Variants in PYHIN1 observed in about 807,000 individuals in gnomAD.
The protein encoded by PYHIN1 is pyrin and HIN domain family member 1.
PYHIN1 carries 32 observed loss-of-function variants against 43.7 expected under a neutral mutation model. The ratio of observed to expected loss-of-function variants is 0.73; its 90% CI spans 0.55 to 0.98. The LOEUF (loss-of-function observed/expected upper bound fraction) is 0.98. Ranked by LOEUF, PYHIN1 falls within the 50% of genes least tolerant of loss-of-function variation. The pLI is 0.00. For synonymous variants in PYHIN1, 205 were observed against 203.1 expected (o/e 1.01, Z -0.08); for missense variants, 588 against 589.5 (o/e 1.00, Z 0.03).
chr1:158,965,593 C>G (rs1650586408), intron 7 of PYHIN1, among the ~76,000 whole-genome samples: 1 of 152,082 alleles, frequency 6.6e-6, no homozygotes, highest in Non-Finnish European at 1.5e-5. Flanking sequence ...AAGAAAATGG[C>G]TCCAACCATA....
chr1:158,952,629 T>A, intron 7 of PYHIN1, among the ~76,000 whole-genome samples: 1 of 152,298 alleles, frequency 6.6e-6, no homozygotes, highest in East Asian at 1.9e-4. Flanking sequence ...TTCCCCTTTT[T>A]AGGCTCTTCT....
chr1:158,937,430 T>A (rs1648626040), intron 2 of PYHIN1, among the ~76,000 whole-genome samples: 1 of 152,328 alleles, frequency 6.6e-6, no homozygotes, highest in East Asian at 1.9e-4. Context: ...AGACTGAGAC[T>A]TCTAGTACAT....
At position 158,943,941 on chromosome 1, in the gene PYHIN1, T is replaced by C. The variant is rs138903343; in HGVS notation, c.1154T>C (p.Met385Thr). 3.5e-4 allele frequency: 571 copies of C among 1,608,616 alleles called. No homozygotes were observed. The highest frequency in any genetic ancestry group is 4.6e-4 in the Non-Finnish European group (537 of 1,176,316). Residue 385 changes from methionine (M) to threonine (T), a missense_variant, in exon 6 of 9, where the codon ATG (methionine) becomes ACG (threonine). Transcript: ENST00000368140. ...TTTCGACTGAGAAAGAGGGAAAATA[T>C]GTCAAAACTGATGTCAGAAATGCAT... ...FCFRLRKREN[M>T]SKLMSEMHSF... is the part of the protein sequence containing the mutation.
chr1:158,980,866 C>T (rs1404973093), downstream of PYHIN1, among the ~76,000 whole-genome samples: 6 of 152,104 alleles, frequency 3.9e-5, no homozygotes, highest in African/African-American at 1.4e-4. Context: ...TTTGTACCTA[C>T]TCCCTGTTCT....
chr1:158,938,155 A>G (rs998261132), intron 2 of PYHIN1, among the ~76,000 whole-genome samples: 3 of 152,190 alleles, frequency 2.0e-5, no homozygotes, highest in African/African-American at 7.2e-5. Context: ...TTCAGAGGAC[A>G]GGAAGGATGT....
chr1:158,948,759 C>A (rs1037604595), intron 7 of PYHIN1, among the ~76,000 whole-genome samples: 1 of 152,054 alleles, frequency 6.6e-6, no homozygotes, highest in African/African-American at 2.4e-5. Context: ...GGACAGGGGA[C>A]GTTCTAAGGT....
At chr1:158,953,729 C>T (rs1200829950) in intron 7 of PYHIN1, among the ~76,000 whole-genome samples, 1 of 152,180 alleles carries the variant, frequency 6.6e-6, no homozygotes, top group Non-Finnish European at 1.5e-5. Context: ...TCCTCACCAG[C>T]AACGGAACAA....
rs983766813 is a variant in PYHIN1 at position 158,933,071 on chromosome 1, A to G, written c.-21+1295A>G. Among the ~76,000 whole-genome samples the G allele has an allele frequency of 1.8e-4, 28 of 151,822 alleles. No individual in the cohort carries two copies. The highest frequency in any genetic ancestry group is 6.1e-4 in the African/African-American group (25 of 41,314). On this transcript the variant is annotated intron_variant, in intron 1 of 8. Coordinates refer to ENST00000368140, the MANE Select transcript of PYHIN1 (RefSeq NM_152501.5). The surrounding 1 kb of genome is among the most constrained non-coding windows in gnomAD (Gnocchi z 6.3). ...TTTTACCTTGTTCATTTAGTATTGG[A>G]AGATATAATATAGAACCTCCTATTA...
At chr1:158,934,698 T>A (rs1243612767) in intron 1 of PYHIN1, among the ~76,000 whole-genome samples, 1 of 152,114 alleles carries the variant, frequency 6.6e-6, no homozygotes, top group African/African-American at 2.4e-5. Context: ...CAAATACATG[T>A]TTTCTATAAT....
At chr1:158,965,763 C>T (rs1380177400) in intron 7 of PYHIN1, among the ~76,000 whole-genome samples, 1 of 152,060 alleles carries the variant, frequency 6.6e-6, no homozygotes, top group Non-Finnish European at 1.5e-5. Context: ...GTTTGTAGCA[C>T]TAAGCGCTCA....
At chr1:158,983,288 T>C in the PYHIN1 span, among the ~76,000 whole-genome samples, 1 of 152,068 alleles carries the variant, frequency 6.6e-6, no homozygotes, top group African/African-American at 2.4e-5. Context: ...GGTTTTGTCA[T>C]AGATGTCTCA....
chr1:158,963,102 A>G (rs1557840355), intron 7 of PYHIN1, among the ~76,000 whole-genome samples: 1 of 152,050 alleles, frequency 6.6e-6, no homozygotes, highest in African/African-American at 2.4e-5. Context: ...CTAGCTGAAC[A>G]TTCCCAGTAG....
chr1:158,950,403 C>T (rs369856145), intron 7 of PYHIN1, among the ~76,000 whole-genome samples: 8 of 152,100 alleles, frequency 5.3e-5, no homozygotes, highest in Non-Finnish European at 7.4e-5. Context: ...TCCAGGGCTG[C>T]GGGTCCTGCA....
chr1:158,939,481 C>T (rs1310108153), intron 4 of PYHIN1: 1 of 1,551,018 alleles, frequency 6.4e-7, no homozygotes, highest in Admixed American at 2.0e-5. Flanking sequence ...AGACAGAGAA[C>T]TGCGGAATCT....
intron 5 of PYHIN1, among the ~76,000 whole-genome samples, chr1:158,943,185 C>G (rs1186749552): frequency 6.6e-6 from 1 of 152,002 alleles, no homozygotes. Flanking sequence ...CTTATTTTAC[C>G]AGCATTGCTT....
At chr1:158,958,360 T>G (rs1177114083) in intron 7 of PYHIN1, among the ~76,000 whole-genome samples, 6 of 139,434 alleles carry the variant, frequency 4.3e-5, no homozygotes, top group East Asian at 4.2e-4. Context: ...CCAACCCAAA[T>G]GTCCAACAAT....
chr1:158,982,745 A>G, the PYHIN1 span, among the ~76,000 whole-genome samples: 5 of 152,044 alleles, frequency 3.3e-5, no homozygotes, highest in African/African-American at 1.2e-4. Flanking sequence ...TAGCCATTTT[A>G]ACAATATTGA....
chr1:158,974,498 G>A (rs956162185), intron 8 of PYHIN1, among the ~76,000 whole-genome samples: 2 of 152,008 alleles, frequency 1.3e-5, no homozygotes, highest in Non-Finnish European at 2.9e-5. Context: ...ATCCCAGCCT[G>A]CTTTTGGTCA....
At position 158,943,918 on chromosome 1, in the gene PYHIN1, T is replaced by C. The variant is rs1649071212; in HGVS notation, c.1131T>C (p.Phe377=). The part of the protein sequence containing the change: ...EKGDKLRLFC[F]RLRKRENMSK... ...GAGATAAGCTTCGACTCTTCTGCTTTCGACTGAGAAAGAGGGAAAATATGT... is the reference window on the plus strand; with the variant it reads ...GAGATAAGCTTCGACTCTTCTGCTTCCGACTGAGAAAGAGGGAAAATATGT... Residue 377 remains phenylalanine, a synonymous_variant, in exon 6 of 9, where the codon TTT becomes TTC. Transcript: ENST00000368140. 1 of 1,607,780 alleles carries C rather than the reference T, an allele frequency of 6.2e-7. No homozygotes were observed. The highest frequency in any genetic ancestry group is 1.7e-5 in the Admixed American group (1 of 59,952).
Sources: gnomAD v4.1 joint callset for allele counts (sites outside exome capture counted in the v4.1 genomes callset) on GRCh38, gnomAD v4.1.1 for gene constraint, Gnocchi (gnomAD v3.1) non-coding constraint, MANE v1.5 for transcripts, NCBI Gene and HGNC (gene_info 2026-07-23, HGNC 2026-07-21) for gene names.